Variants in ATP6V0D1 observed in about 807,000 individuals in gnomAD.
ATP6V0D1 encodes V-type proton ATPase subunit d 1.
Under a neutral mutation model 39.0 loss-of-function variants are expected in ATP6V0D1, and 13 were observed. The ratio of observed to expected loss-of-function variants is 0.33; its 90% confidence interval spans 0.22 to 0.53. ATP6V0D1 has a LOEUF of 0.53. ATP6V0D1 is among the 20% of genes least tolerant of loss of function. ATP6V0D1 has a pLI of 0.94. For synonymous variants in ATP6V0D1, 191 were observed against 191.2 expected (o/e 1.00, Z 0.01); for missense variants, 272 against 470.9 (o/e 0.58, Z 3.91).
chr16:67,458,404 A>C (rs1022120515), intron 1 of ATP6V0D1, among the ~76,000 whole-genome samples: 5 of 152,188 alleles, frequency 3.3e-5, no homozygotes, highest in Non-Finnish European at 5.9e-5. Flanking sequence ...AGGGCAGCCA[A>C]GGACGGCAGG....
At position 67,475,497 on chromosome 16, in the gene ATP6V0D1, G is replaced by A. The variant is rs34702968; in HGVS notation, c.130+5460C>T. Among the ~76,000 whole-genome samples the A allele has an allele frequency of 9.1e-3, 1,385 of 152,304 alleles. 13 individuals carry two copies. Among genetic ancestry groups the A allele is most frequent in the Non-Finnish European group, 0.016 (1,119 of 68,022 alleles). On this transcript the variant is annotated intron_variant, in intron 1 of 7. Coordinates refer to ENST00000290949, the MANE Select transcript of ATP6V0D1 (RefSeq NM_004691.5). ...GGGCCCTTCACCCATGGCCTCCAAC[G>A]ATCTAACTCTCTGGCTGAGAAGAAC...
intron 1 of ATP6V0D1, among the ~76,000 whole-genome samples, chr16:67,480,686 C>T (rs949844959): frequency 6.6e-6 from 1 of 152,144 alleles, no homozygotes; most frequent in Non-Finnish European, 1.5e-5. Context: ...AACACCCCCT[C>T]CTCCCAAACT....
intron 1 of ATP6V0D1, among the ~76,000 whole-genome samples, chr16:67,464,278 T>C (rs984731296): frequency 2.6e-5 from 4 of 152,134 alleles, no homozygotes; most frequent in Non-Finnish European, 4.4e-5. Flanking sequence ...CACAGAGATA[T>C]AGTCCAGGCA....
rs566831715 is a variant in ATP6V0D1, at chr16:67,466,926, C to T, written c.131-13211G>A. Among the ~76,000 whole-genome samples, 6 of 152,256 alleles carry T rather than the reference C, an allele frequency of 3.9e-5. No homozygotes were observed. In the South Asian group the frequency reaches 6.2e-4, roughly 16 times the overall value. On this transcript the variant is annotated intron_variant, in intron 1 of 7. Coordinates refer to ENST00000290949, the MANE Select transcript of ATP6V0D1 (RefSeq NM_004691.5). ...CTGTCTTGCATGAGTGAAGACAAAG[C>T]CTTCAGAGGGACAAGGCTGAAGAGG...
At chr16:67,466,461 G>A (rs945252485) in intron 1 of ATP6V0D1, among the ~76,000 whole-genome samples, 2 of 151,980 alleles carry the variant, frequency 1.3e-5, no homozygotes, top group East Asian at 1.9e-4. Context: ...CACGGGAGGC[G>A]GAGGTTGCGG....
intron 1 of ATP6V0D1, chr16:67,457,460 G>C (rs1186989063): frequency 2.7e-6 from 2 of 735,448 alleles, no homozygotes; most frequent in Non-Finnish European, 4.0e-6. Context: ...TGTCCAGACA[G>C]ATTTCAGTCC....
rs1281394160 is a variant in ATP6V0D1 at position 67,438,585 on chromosome 16, A to T, written c.999T>A (p.Ala333=). Reference sequence around the variant, plus strand: ...CGCGGTGGCGCTGGGCGATACATTCAGCGATCCACACGATGTTGCGACACT... The same window carrying T: ...CGCGGTGGCGCTGGGCGATACATTCTGCGATCCACACGATGTTGCGACACT... ...EQECRNIVWI[A]ECIAQRHRAK... The change falls in exon 8 of 8, where the codon GCT becomes GCA. Residue 333 remains alanine, a synonymous_variant. Transcript: ENST00000290949. The T allele has an allele frequency of 2.5e-6, 4 of 1,613,920 alleles. No homozygotes were observed. Among genetic ancestry groups the T allele is most frequent in the Non-Finnish European group, 3.4e-6 (4 of 1,179,972 alleles).
intron 1 of ATP6V0D1, among the ~76,000 whole-genome samples, chr16:67,464,158 C>A (rs1050415554): frequency 6.6e-6 from 1 of 152,084 alleles, no homozygotes; most frequent in South Asian, 2.1e-4. Context: ...AGCTCCCAAC[C>A]CTTCAAGTTT....
At chr16:67,480,506 C>G (rs1859528529) in intron 1 of ATP6V0D1, among the ~76,000 whole-genome samples, 1 of 152,094 alleles carries the variant, frequency 6.6e-6, no homozygotes, top group South Asian at 2.1e-4. Flanking sequence ...CGCAGGCCAA[C>G]GCGAAGACAC....
At chr16:67,470,039 C>T (rs2041360453) in intron 1 of ATP6V0D1, among the ~76,000 whole-genome samples, 1 of 152,196 alleles carries the variant, frequency 6.6e-6, no homozygotes, top group African/African-American at 2.4e-5. Context: ...TGCTTTTGAG[C>T]ACTCTCTCGT....
chr16:67,454,699 T>G (rs1383581430), intron 1 of ATP6V0D1: 1 of 152,132 alleles, frequency 6.6e-6, no homozygotes, highest in African/African-American at 2.4e-5. Flanking sequence ...GTGATCTTTT[T>G]AAAACACAAG....
intron 1 of ATP6V0D1, among the ~76,000 whole-genome samples, chr16:67,466,332 C>T (rs1340240336): frequency 1.2e-4 from 11 of 93,360 alleles, no homozygotes; most frequent in African/African-American, 1.2e-4. Flanking sequence ...CACATACACA[C>T]ACACACACAC....
chr16:67,473,549 A>C (rs763387140), intron 1 of ATP6V0D1, among the ~76,000 whole-genome samples: 33 of 152,140 alleles, frequency 2.2e-4, no homozygotes, highest in Middle Eastern at 3.4e-3. Flanking sequence ...TTTGAGACAG[A>C]GTCTCGCTCA....
chr16:67,453,844 C>T lies in ATP6V0D1; in HGVS notation c.131-129G>A, dbSNP rs2041209672. 1 of 862,188 alleles carries T rather than the reference C, an allele frequency of 1.2e-6. No homozygotes were observed. The highest frequency in any genetic ancestry group is 1.7e-5 in the South Asian group (1 of 59,388). 53.4% of individuals were successfully genotyped at this position (862,188 alleles called of 1,614,324 possible). On this transcript the variant is annotated intron_variant, in intron 1 of 7. Transcript: ENST00000290949. This position sits in a 1 kb window ranked among gnomAD's most constrained non-coding sequence, Gnocchi z 4.1. ...TGTGTCCCGCTACTACCCTGATCTC[C>T]ATCTCCCTGTTGGCTCAGGGCCTAC...
chr16:67,451,154 C>T (rs900505982), intron 2 of ATP6V0D1, among the ~76,000 whole-genome samples: 2 of 152,166 alleles, frequency 1.3e-5, no homozygotes, highest in East Asian at 1.9e-4. Context: ...GATGACCCCC[C>T]ACTCAAGGCT....
chr16:67,470,988 C>T (rs996653386), intron 1 of ATP6V0D1, among the ~76,000 whole-genome samples: 1 of 152,202 alleles, frequency 6.6e-6, no homozygotes, highest in African/African-American at 2.4e-5. Context: ...GCTGCAAGAG[C>T]AGCTAGCAAG....
intron 1 of ATP6V0D1, among the ~76,000 whole-genome samples, chr16:67,462,004 C>A (rs1021513610): frequency 1.3e-5 from 2 of 152,274 alleles, no homozygotes; most frequent in African/African-American, 4.8e-5. Context: ...GAAGTCAACT[C>A]GTTTGACAGT....
chr16:67,444,802 C>A lies in ATP6V0D1; in HGVS notation c.303-96G>T. The A allele has an allele frequency of 8.5e-7, 1 of 1,181,066 alleles. No individual in the cohort carries two copies. The highest frequency in any genetic ancestry group is 2.6e-5 in the East Asian group (1 of 37,948). The allele number at this position is 1,181,066 out of a possible 1,614,324, so 73.2% of individuals were successfully genotyped here. ...CCTCGCCCGCCTGCACAGGCCATCA[C>A]CCCTTAACAATGTATGCTGACTCAT... On this transcript the variant is annotated intron_variant, in intron 2 of 7. Coordinates refer to ENST00000290949, the MANE Select transcript of ATP6V0D1 (RefSeq NM_004691.5). The surrounding 1 kb of genome is among the most constrained non-coding windows in gnomAD (Gnocchi z 4.8).
intron 1 of ATP6V0D1, among the ~76,000 whole-genome samples, chr16:67,470,660 A>C (rs561644165): frequency 7.9e-5 from 12 of 152,324 alleles, no homozygotes; most frequent in Admixed American, 2.6e-4. Context: ...TAATATCTTT[A>C]GTGTTACTAT....
Sources: gnomAD v4.1 joint callset for allele counts (sites outside exome capture counted in the v4.1 genomes callset) on GRCh38, gnomAD v4.1.1 for gene constraint, Gnocchi (gnomAD v3.1) non-coding constraint, MANE v1.5 for transcripts, NCBI Gene and HGNC (gene_info 2026-07-23, HGNC 2026-07-21) for gene names.